Variants in MAP3K4 observed in about 807,000 individuals in gnomAD.
MAP3K4 encodes the protein mitogen-activated protein kinase kinase kinase 4.
In MAP3K4, 67 loss-of-function variants were observed where a neutral mutation model predicts 185.6. The ratio of observed to expected loss-of-function variants is 0.36; its 90% CI spans 0.30 to 0.44. The LOEUF is 0.44. MAP3K4 is among the 20% of genes least tolerant of loss of function. The pLI, the probability that MAP3K4 is intolerant of heterozygous loss-of-function variation, is 1.00. For missense variants in MAP3K4, 1,551 were observed against 1,995.1 expected (o/e 0.78, Z 4.24); for synonymous variants, 702 against 710.4 (o/e 0.99, Z 0.19).
intron 1 of MAP3K4, among the ~76,000 whole-genome samples, chr6:161,003,381 G>A (rs1421623452): frequency 2.0e-5 from 3 of 152,174 alleles, no homozygotes; most frequent in Non-Finnish European, 4.4e-5. Flanking sequence ...AGAATCCACG[G>A]TCATCCTTGA....
At chr6:161,045,103 G>T (rs888176899) in intron 2 of MAP3K4, among the ~76,000 whole-genome samples, 1 of 152,074 alleles carries the variant, frequency 6.6e-6, no homozygotes, top group Non-Finnish European at 1.5e-5. Context: ...TATCCTTTTT[G>T]CACAGTAGCT....
At chr6:161,015,295 C>G (rs1394151943) in intron 1 of MAP3K4, among the ~76,000 whole-genome samples, 1 of 151,036 alleles carries the variant, frequency 6.6e-6, no homozygotes, top group Non-Finnish European at 1.5e-5. Context: ...ACAGCACACA[C>G]TGGGGCCTGT....
chr6:161,039,886 AT>A (rs1255743210), intron 2 of MAP3K4, among the ~76,000 whole-genome samples: 1 of 152,230 alleles, frequency 6.6e-6, no homozygotes, highest in Non-Finnish European at 1.5e-5. Flanking sequence ...TTGGATCATT[AT>A]AACCATGTTC....
rs1777707271 is a variant in MAP3K4, at chr6:161,098,917, TG to T, written c.3674+491del. 6.6e-6 allele frequency among the ~76,000 whole-genome samples: 1 copy of T among 152,228 alleles called. No homozygotes were observed. Among genetic ancestry groups the T allele is most frequent in the Non-Finnish European group, 1.5e-5 (1 of 68,042 alleles). On this transcript the variant is annotated intron_variant, in intron 17 of 26. Coordinates refer to ENST00000392142, the MANE Select transcript of MAP3K4 (RefSeq NM_005922.4). This position sits in a 1 kb window ranked among gnomAD's most constrained non-coding sequence, Gnocchi z 4.4. ...AGTGGAAAAATGAGTTCATGGGGTTTGTATGTCATATGGAGAACAGATCAGT... is the reference window on the plus strand; with the variant it reads ...AGTGGAAAAATGAGTTCATGGGGTTTTATGTCATATGGAGAACAGATCAGT...
chr6:161,050,070 C>G, intron 3 of MAP3K4, 91 bp downstream of exon 3: 15 of 1,320,136 alleles, frequency 1.1e-5, no homozygotes, highest in Non-Finnish European at 1.6e-5. Context: ...CTTTCATATT[C>G]TAATATTTTT....
chr6:161,106,686 GC>G lies in MAP3K4; in HGVS notation c.4030del (p.Gln1344LysfsTer25). On this transcript the variant is annotated frameshift_variant, in exon 20 of 27. Transcript: ENST00000392142. LOFTEE classifies it high-confidence loss of function. The surrounding 1 kb of genome is among the most constrained non-coding windows in gnomAD (Gnocchi z 4.9). ...GCTTGAGGAAGGTGACCTTCAAATG[GC>G]AAAGAGGAAACAAAATTGGTAAGGA... ...VGLRKVTFKW[Q>X]RGNKIGEGQY... 6.2e-7 allele frequency: 1 copy of G among 1,609,328 alleles called. No homozygotes were observed. Among genetic ancestry groups the G allele is most frequent in the Non-Finnish European group, 8.5e-7 (1 of 1,177,796 alleles).
chr6:161,023,603 A>G (rs1195003608), intron 1 of MAP3K4, among the ~76,000 whole-genome samples: 1 of 152,214 alleles, frequency 6.6e-6, no homozygotes, highest in East Asian at 1.9e-4. Flanking sequence ...TGATTGTTAC[A>G]ATAAATATTT....
intron 1 of MAP3K4, among the ~76,000 whole-genome samples, chr6:161,010,847 C>G (rs1781811904): frequency 6.6e-6 from 1 of 152,134 alleles, no homozygotes; most frequent in South Asian, 2.1e-4. Flanking sequence ...TAATTGAAGG[C>G]TGTGAGATTA....
intron 2 of MAP3K4, among the ~76,000 whole-genome samples, chr6:161,039,014 G>C (rs192691138): frequency 2.0e-5 from 3 of 152,262 alleles, no homozygotes; most frequent in East Asian, 3.9e-4. Context: ...CCAGTGTTTT[G>C]AGAGACTGAG....
chr6:161,030,990 T>G (rs1376824905), intron 1 of MAP3K4, among the ~76,000 whole-genome samples: 2 of 152,222 alleles, frequency 1.3e-5, no homozygotes, highest in East Asian at 3.8e-4. Context: ...CCTAACTCGT[T>G]TTCTGTGATG....
rs6940321 is a variant in MAP3K4 at position 161,108,285 on chromosome 6, A to G, written c.4119+316A>G. On this transcript the variant is annotated intron_variant, in intron 21 of 26. Transcript: ENST00000392142. The surrounding 1 kb of genome is among the most constrained non-coding windows in gnomAD (Gnocchi z 5.7). ...TAACAGTAGTGTCTTATGGGGACAC[A>G]TTGGGGGAGAAGATAACATTTATGA... Among the ~76,000 whole-genome samples the G allele has an allele frequency of 0.14, 21,031 of 152,242 alleles. 1,600 individuals carry two copies. Among genetic ancestry groups the G allele is most frequent in the African/African-American group, 0.2 (8,231 of 41,516 alleles).
At chr6:161,090,173 A>G (rs554201881) in intron 11 of MAP3K4, among the ~76,000 whole-genome samples, 2 of 152,364 alleles carry the variant, frequency 1.3e-5, no homozygotes, top group South Asian at 2.1e-4. Context: ...TGATTTATCT[A>G]TAAACATTTA....
rs1454576538 is a variant in MAP3K4 at position 161,108,026 on chromosome 6, TC to T, written c.4119+59del. The T allele has an allele frequency of 3.9e-5, 58 of 1,485,744 alleles. No individual in the cohort carries two copies. In the African/African-American group the frequency reaches 7.1e-4, roughly 18 times the overall value. 92.0% of individuals were successfully genotyped at this position (1,485,744 alleles called of 1,614,324 possible). A position where few individuals can be genotyped will look rare whatever the true frequency, so the allele number is the denominator to read the frequency against. On this transcript the variant is annotated intron_variant, in intron 21 of 26. Coordinates refer to ENST00000392142, the MANE Select transcript of MAP3K4 (RefSeq NM_005922.4). The surrounding 1 kb of genome is among the most constrained non-coding windows in gnomAD (Gnocchi z 5.7). ...CCTGGCGGCTCTGGGTGATAGAAAT[TC>T]CGTATAGACGCTGGTCGTGATTCAG...
chr6:161,033,071 C>G (rs770653555), intron 1 of MAP3K4, among the ~76,000 whole-genome samples: 5 of 151,980 alleles, frequency 3.3e-5, no homozygotes, highest in Non-Finnish European at 5.9e-5. Flanking sequence ...CAATCTAATT[C>G]AGTAATAATG....
chr6:161,103,197 A>G lies in MAP3K4; in HGVS notation c.3856+418A>G, dbSNP rs1333824694. Among the ~76,000 whole-genome samples the G allele has an allele frequency of 6.6e-6, 1 of 152,224 alleles. No individual in the cohort carries two copies. The highest frequency in any genetic ancestry group is 1.5e-5 in the Non-Finnish European group (1 of 68,044). On this transcript the variant is annotated intron_variant, in intron 19 of 26. Transcript: ENST00000392142. This position sits in a 1 kb window ranked among gnomAD's most constrained non-coding sequence, Gnocchi z 4.6. ...TTGGTCTAGTATTTAATGATCTATA[A>G]AATGCTTTCATGTCTTTTTTTGCTC...
rs540570595 is a variant in MAP3K4 at position 161,104,910 on chromosome 6, C to T, written c.3857-1604C>T. Among the ~76,000 whole-genome samples the T allele has an allele frequency of 1.0e-3, 159 of 152,100 alleles. 1 individual carries two copies. Among genetic ancestry groups the T allele is most frequent in the African/African-American group, 3.7e-3 (152 of 41,480 alleles). ...AGTGTAATAAGAAATTATAACTGGA[C>T]CATTATAAATCTTTTAGAATTTCTC... On this transcript the variant is annotated intron_variant, in intron 19 of 26. Coordinates refer to ENST00000392142, the MANE Select transcript of MAP3K4 (RefSeq NM_005922.4).
At position 161,080,779 on chromosome 6, in the gene MAP3K4, G is replaced by C; in HGVS notation, c.2098-102G>C. ...TGCTGCGTGCCTGTGACAGCCCCCG[G>C]CCCGCCCCCACTTTACCCTGCTGAT... is the stretch of plus-strand genomic sequence containing the variant. On this transcript the variant is annotated intron_variant, in intron 5 of 26. Transcript: ENST00000392142. This position sits in a 1 kb window ranked among gnomAD's most constrained non-coding sequence, Gnocchi z 4.8. The C allele has an allele frequency of 2.9e-6, 3 of 1,022,384 alleles. No homozygotes were observed. The highest frequency in any genetic ancestry group is 4.4e-6 in the Non-Finnish European group (3 of 677,124). The allele number at this position is 1,022,384 out of a possible 1,614,324, so 63.3% of individuals were successfully genotyped here.
chr6:161,060,618 C>CT (rs35196179), intron 3 of MAP3K4, among the ~76,000 whole-genome samples: 3,857 of 126,320 alleles, frequency 0.031, 102 homozygotes, highest in East Asian at 0.053. Flanking sequence ...TTTTCTTTTT[C>CT]TTTTTTTTTT....
At chr6:161,068,238 TGCAAG>T (rs1388369952) in intron 3 of MAP3K4, among the ~76,000 whole-genome samples, 2 of 152,212 alleles carry the variant, frequency 1.3e-5, no homozygotes, top group Non-Finnish European at 2.9e-5. Context: ...AGGAAGCATT[TGCAAG>T]GCACAAATAC....
Sources: gnomAD v4.1 joint callset for allele counts (sites outside exome capture counted in the v4.1 genomes callset) on GRCh38, gnomAD v4.1.1 for gene constraint, Gnocchi (gnomAD v3.1) non-coding constraint, MANE v1.5 for transcripts, NCBI Gene and HGNC (gene_info 2026-07-23, HGNC 2026-07-21) for gene names.